XRN2: variants seen among roughly 807,000 people sequenced by gnomAD.
XRN2 encodes the protein 5'-3' exoribonuclease 2.
A neutral mutation model predicts 138.5 loss-of-function variants in XRN2; 44 were observed. That is an observed-to-expected ratio of 0.32 (90% CI 0.25 to 0.41). The LOEUF is 0.41. Ranked by LOEUF, XRN2 falls within the 10% of genes least tolerant of loss-of-function variation. The pLI, the probability that XRN2 is intolerant of heterozygous loss-of-function variation, is 1.00. For missense variants in XRN2, 937 were observed against 1,169.3 expected (o/e 0.80, Z 2.90); for synonymous variants, 354 against 369.4 (o/e 0.96, Z 0.48).
chr20:21,340,497 G>A (rs34182035), intron 14 of XRN2, among the ~76,000 whole-genome samples: 2 of 152,050 alleles, frequency 1.3e-5, no homozygotes, highest in East Asian at 3.9e-4. Flanking sequence ...ATGTACTTTA[G>A]GACTGAGTTA....
Position 21,334,271 on chromosome 20 carries a change from G to A in XRN2, c.1233+86G>A. 8.0e-6 allele frequency: 9 copies of A among 1,121,964 alleles called. 1 individual carries two copies. The South Asian group carries it at 1.3e-4, about 16-fold the overall frequency. 69.5% of individuals were successfully genotyped at this position (1,121,964 alleles called of 1,614,324 possible). ...CTGTGATTACTTTTAATCTCTTTGAGTGTGTTTTTATATCATTATGGTGTG... is the reference window on the plus strand; with the variant it reads ...CTGTGATTACTTTTAATCTCTTTGAATGTGTTTTTATATCATTATGGTGTG... On this transcript the variant is annotated intron_variant, in intron 13 of 29. Coordinates refer to ENST00000377191, the MANE Select transcript of XRN2 (RefSeq NM_012255.5).
chr20:21,314,006 A>G (rs996404438), intron 1 of XRN2, among the ~76,000 whole-genome samples: 1 of 152,270 alleles, frequency 6.6e-6, no homozygotes, highest in Non-Finnish European at 1.5e-5. Context: ...AAATGTGTGC[A>G]TCCATCACCA....
rs967484941 is a variant in XRN2 at position 21,344,174 on chromosome 20, A to G, written c.1495A>G (p.Ser499Gly). The change falls in exon 16 of 30, where the codon AGT (serine) becomes GGT (glycine). Residue 499 changes from serine (S) to glycine (G), a missense_variant. By Grantham distance (56) the Ser-to-Gly change is moderately conservative (BLOSUM62 0). Coordinates refer to ENST00000377191, the MANE Select transcript of XRN2 (RefSeq NM_012255.5). The stretch of plus-strand genomic sequence containing the variant: ...AGGAATTAAGCGAAAAGCAGAAGAC[A>G]GTGACAGTGAACCTGAGCCAGAGGA... ...LGGIKRKAED[S>G]DSEPEPEDNV... 1 of 1,613,372 alleles carries G rather than the reference A, an allele frequency of 6.2e-7. No homozygotes were observed. The highest frequency in any genetic ancestry group is 1.3e-5 in the African/African-American group (1 of 75,040).
chr20:21,333,598 C>T lies in XRN2; in HGVS notation c.913C>T (p.Arg305Trp), dbSNP rs753600174. 1.5e-5 allele frequency: 25 copies of T among 1,613,694 alleles called. No homozygotes were observed. The highest frequency in any genetic ancestry group is 1.5e-4 in the South Asian group (14 of 91,078). ...PCAEGEFIFL[R>W]LNVLREYLER... is the part of the protein sequence containing the mutation. ...TGCAGAAGGAGAGTTTATCTTCCTT[C>T]GGCTTAATGTTCTTCGTGAGGTATG... is the stretch of plus-strand genomic sequence containing the variant. The change falls in exon 10 of 30, where the codon CGG (arginine) becomes TGG (tryptophan). Residue 305 changes from arginine (R) to tryptophan (W), a missense_variant. Around this residue, in one of 6 missense-constraint regions of XRN2, gnomAD observed 471 missense variants for 581.2 expected, o/e 0.81. Coordinates refer to ENST00000377191, the MANE Select transcript of XRN2 (RefSeq NM_012255.5).
intron 26 of XRN2, among the ~76,000 whole-genome samples, chr20:21,366,065 AAT>A (rs1403916653): frequency 8.6e-6 from 1 of 116,692 alleles, no homozygotes; most frequent in Non-Finnish European, 1.7e-5. Context: ...AATATATATA[AAT>A]ATATATTATA....
Position 21,344,792 on chromosome 20 carries a change from C to G in XRN2, c.1529+584C>G, listed in dbSNP as rs911815257. Among the ~76,000 whole-genome samples the G allele has an allele frequency of 5.3e-5, 8 of 152,148 alleles. 1 individual carries two copies. Among genetic ancestry groups the G allele is most frequent in the Admixed American group, 5.2e-4 (8 of 15,270 alleles). On this transcript the variant is annotated intron_variant, in intron 16 of 29. Transcript: ENST00000377191. The stretch of plus-strand genomic sequence containing the variant: ...AAAATAGGAAGCTGATTCTTTAATT[C>G]ATCCTGAAGTTTGAGATCATTATAT...
At chr20:21,363,925 A>G (rs898059537) in intron 24 of XRN2, among the ~76,000 whole-genome samples, 2 of 152,090 alleles carry the variant, frequency 1.3e-5, no homozygotes, top group Admixed American at 1.3e-4. Flanking sequence ...GTCATTAAGT[A>G]TTCTGTTACT....
chr20:21,351,714 T>G (rs989857909), intron 20 of XRN2, among the ~76,000 whole-genome samples: 28 of 152,212 alleles, frequency 1.8e-4, no homozygotes, highest in African/African-American at 6.5e-4. Flanking sequence ...AGTTACACAG[T>G]TTTAGTTCTT....
chr20:21,336,765 A>G lies in XRN2; in HGVS notation c.1234-2279A>G, dbSNP rs565354562. On this transcript the variant is annotated intron_variant, in intron 13 of 29. Transcript: ENST00000377191. Reference sequence around the variant, plus strand: ...GAGAATAAGTGCCACAAAGAAAACTAAAGCAGGTGAGGAGGCATCTGGGAA... The same window carrying G: ...GAGAATAAGTGCCACAAAGAAAACTGAAGCAGGTGAGGAGGCATCTGGGAA... Among the ~76,000 whole-genome samples, 3 of 152,332 alleles carry G rather than the reference A, an allele frequency of 2.0e-5. No individual in the cohort carries two copies. The East Asian group carries it at 5.8e-4, about 29-fold the overall frequency.
chr20:21,309,464 A>G (rs2037849138), intron 1 of XRN2, among the ~76,000 whole-genome samples: 1 of 152,196 alleles, frequency 6.6e-6, no homozygotes, highest in Non-Finnish European at 1.5e-5. Context: ...TGCAAGCTGC[A>G]TGCAACCCAG....
chr20:21,326,936 A>T (rs2038136921), intron 3 of XRN2, among the ~76,000 whole-genome samples: 1 of 152,178 alleles, frequency 6.6e-6, no homozygotes, highest in Admixed American at 6.5e-5. Context: ...GTGTTGAGGG[A>T]AGAGGAAGTC....
At chr20:21,303,787 A>C in intron 1 of XRN2, 1 of 1,124,576 alleles carries the variant, frequency 8.9e-7, no homozygotes. Flanking sequence ...TTTCCTCTCC[A>C]GACCGCGCAT....
intron 28 of XRN2, among the ~76,000 whole-genome samples, chr20:21,383,673 C>T (rs2038909348): frequency 6.6e-6 from 1 of 152,178 alleles, no homozygotes; most frequent in Admixed American, 6.5e-5. Context: ...CAACAGCTTT[C>T]CTCCCCTCTG....
chr20:21,309,961 G>C (rs1428159033), intron 1 of XRN2, among the ~76,000 whole-genome samples: 1 of 151,924 alleles, frequency 6.6e-6, no homozygotes, highest in Non-Finnish European at 1.5e-5. Flanking sequence ...CTTTGATTCT[G>C]CTCTTATATG....
At chr20:21,342,536 A>G (rs1440342417) in intron 15 of XRN2, among the ~76,000 whole-genome samples, 1 of 152,182 alleles carries the variant, frequency 6.6e-6, no homozygotes, top group East Asian at 1.9e-4. Context: ...GTTAGTAATT[A>G]ATTTTGTTAA....
At chr20:21,387,637 G>T (rs572734249) in intron 29 of XRN2, among the ~76,000 whole-genome samples, 1 of 152,264 alleles carries the variant, frequency 6.6e-6, no homozygotes, top group South Asian at 2.1e-4. Flanking sequence ...AGGTCTATTT[G>T]ACATAATTTC....
At chr20:21,381,125 A>AT (rs1468735867) in intron 27 of XRN2, among the ~76,000 whole-genome samples, 1 of 152,074 alleles carries the variant, frequency 6.6e-6, no homozygotes, top group East Asian at 1.9e-4. Context: ...TTTGAAAAGC[A>AT]TTTTTCTAGT....
chr20:21,385,003 GTTTAAT>G (rs1417474009), intron 28 of XRN2, among the ~76,000 whole-genome samples: 5 of 152,178 alleles, frequency 3.3e-5, no homozygotes, highest in Non-Finnish European at 7.4e-5. Flanking sequence ...TTGTTCTTCT[GTTTAAT>G]TTTAATTATT....
chr20:21,382,886 A>G (rs2038900708), intron 28 of XRN2, among the ~76,000 whole-genome samples: 1 of 152,218 alleles, frequency 6.6e-6, no homozygotes, highest in Admixed American at 6.5e-5. Flanking sequence ...AAATGCAAAA[A>G]CAAATTAAGC....
Sources: gnomAD v4.1 joint callset for allele counts (sites outside exome capture counted in the v4.1 genomes callset) on GRCh38, gnomAD v4.1.1 for gene constraint, gnomAD v4.1.1 regional missense constraint, MANE v1.5 for transcripts, NCBI Gene and HGNC (gene_info 2026-07-23, HGNC 2026-07-21) for gene names.